EIF2AK1: variants seen among roughly 807,000 people sequenced by gnomAD.
The protein encoded by EIF2AK1 is eukaryotic translation initiation factor 2-alpha kinase 1.
Under a neutral mutation model 77.9 loss-of-function variants are expected in EIF2AK1, and 54 were observed. The ratio of observed to expected loss-of-function variants is 0.69; its 90% CI spans 0.56 to 0.87. EIF2AK1 has a LOEUF of 0.87. EIF2AK1 is among the 40% of genes least tolerant of loss of function. The pLI is 0.00. For missense variants in EIF2AK1, 810 were observed against 768.6 expected (o/e 1.05, Z -0.64); for synonymous variants, 314 against 290.5 (o/e 1.08, Z -0.82).
At chr7:6,046,918 A>C in intron 5 of EIF2AK1, 74 bp downstream of exon 5, 10 of 1,329,998 alleles carry the variant, frequency 7.5e-6, no homozygotes, top group Non-Finnish European at 1.0e-5. Context: ...AAATAAATAA[A>C]AGAATAATGA....
At position 6,035,839 on chromosome 7, in the gene EIF2AK1, C is replaced by A; in HGVS notation, c.1332+1585G>T. 3 of 1,548,606 alleles carry A rather than the reference C, an allele frequency of 1.9e-6. No homozygotes were observed. Among genetic ancestry groups the A allele is most frequent in the South Asian group, 2.4e-5 (2 of 83,766 alleles). On this transcript the variant is annotated intron_variant, in intron 11 of 14. Transcript: ENST00000199389. The surrounding 1 kb of genome is among the most constrained non-coding windows in gnomAD (Gnocchi z 5.5). Reference sequence around the variant, plus strand: ...TGTGCTGTCTCTTCCACGGGGAACACGCCCCTGAAGCTTGCAGTGTGCACT... The same window carrying A: ...TGTGCTGTCTCTTCCACGGGGAACAAGCCCCTGAAGCTTGCAGTGTGCACT...
chr7:6,026,656 A>AC (rs1787755517), intron 14 of EIF2AK1, 72 bp downstream of exon 14: 2 of 1,282,672 alleles, frequency 1.6e-6, no homozygotes, highest in Admixed American at 3.6e-5. Context: ...GCACCACCCA[A>AC]CCGCTTCCTT....
intron 2 of EIF2AK1, among the ~76,000 whole-genome samples, chr7:6,050,968 C>T (rs941786591): frequency 3.3e-5 from 5 of 151,908 alleles, no homozygotes; most frequent in African/African-American, 2.4e-5. Context: ...AGTACTAAGC[C>T]ATTTCTAAAA....
At chr7:6,026,695 C>A in intron 14 of EIF2AK1, 33 bp downstream of exon 14, 1 of 1,576,514 alleles carries the variant, frequency 6.3e-7, no homozygotes. Flanking sequence ...AAACCACCTT[C>A]ACTCCAGGAC....
At chr7:6,044,833 C>T (rs759863419) in intron 6 of EIF2AK1, among the ~76,000 whole-genome samples, 172 bp from the exon 7 acceptor site, 1 of 152,064 alleles carries the variant, frequency 6.6e-6, no homozygotes, top group Non-Finnish European at 1.5e-5. Flanking sequence ...TTGCAGTATG[C>T]GGTGCATGAG....
At position 6,047,056 on chromosome 7, in the gene EIF2AK1, C is replaced by G. The variant is rs200306250; in HGVS notation, c.485G>C (p.Arg162Pro). Reference protein sequence around the residue: ...REVALEAQTSRYLNEFEELAI... With the variant: ...REVALEAQTSPYLNEFEELAI... ...AAGTTCTTCAAATTCATTTAAGTAACGTGAAGTTTGTGCTTCCAAGGCTAC... is the reference window on the plus strand; with the variant it reads ...AAGTTCTTCAAATTCATTTAAGTAAGGTGAAGTTTGTGCTTCCAAGGCTAC... Residue 162 changes from arginine (R) to proline (P), a missense_variant, in exon 5 of 15, where the codon CGT becomes CCT. Coordinates refer to ENST00000199389, the MANE Select transcript of EIF2AK1 (RefSeq NM_014413.4). 1.9e-6 allele frequency: 3 copies of G among 1,613,928 alleles called. No homozygotes were observed. The highest frequency in any genetic ancestry group is 1.3e-5 in the African/African-American group (1 of 75,022).
In EIF2AK1 at chr7:6,033,772, T is replaced by C. The variant is rs577794431; in HGVS notation, c.1332+3652A>G. ...TTTTAGTAGAGATGGGGTTTCACCA[T>C]GTTAGCCAGGATAGTCTCAATCTCC... On this transcript the variant is annotated intron_variant, in intron 11 of 14. Coordinates refer to ENST00000199389, the MANE Select transcript of EIF2AK1 (RefSeq NM_014413.4). This position sits in a 1 kb window ranked among gnomAD's most constrained non-coding sequence, Gnocchi z 4.4. 7.6e-4 allele frequency among the ~76,000 whole-genome samples: 116 copies of C among 151,928 alleles called. No homozygotes were observed. The highest frequency in any genetic ancestry group is 1.5e-3 in the Non-Finnish European group (104 of 67,920).
intron 5 of EIF2AK1, 135 bp from the exon 6 acceptor site, chr7:6,046,286 T>G (rs1788442718): frequency 2.1e-6 from 1 of 470,392 alleles, no homozygotes; most frequent in Non-Finnish European, 3.7e-6. Flanking sequence ...GTCTCCTTAC[T>G]ATGTTCAGGG....
intron 2 of EIF2AK1, among the ~76,000 whole-genome samples, chr7:6,053,528 CT>C (rs1426659862): frequency 6.6e-6 from 1 of 151,906 alleles, no homozygotes; most frequent in Non-Finnish European, 1.5e-5. Flanking sequence ...CCATGCCCAG[CT>C]AATTTTTGTA....
chr7:6,056,628 A>ATATATATATATATATATATGTATG (rs749747260), intron 1 of EIF2AK1, among the ~76,000 whole-genome samples: 1 of 75,932 alleles, frequency 1.3e-5, no homozygotes, highest in African/African-American at 5.5e-5. Context: ...ATATATATAT[A>ATATATATATATATATATATGTATG]TATATATAAA....
chr7:6,057,642 T>C (rs1788822846), intron 1 of EIF2AK1: 1 of 151,780 alleles, frequency 6.6e-6, no homozygotes, highest in Non-Finnish European at 1.5e-5. Context: ...AATGTTGTTG[T>C]TGTTGTTGTT....
rs746786176 is a variant in EIF2AK1 at position 6,037,411 on chromosome 7, C to A, written c.1332+13G>T. On this transcript the variant is annotated intron_variant, in intron 11 of 14. Transcript: ENST00000199389. ...CTCCCACTGCTTTCAATGATTTCAT[C>A]GCCCCCACTTACCTTCAGATCTCGG... 1 of 1,559,790 alleles carries A rather than the reference C, an allele frequency of 6.4e-7. No homozygotes were observed. Among genetic ancestry groups the A allele is most frequent in the Non-Finnish European group, 8.8e-7 (1 of 1,134,156 alleles).
intron 9 of EIF2AK1, among the ~76,000 whole-genome samples, chr7:6,039,014 G>A (rs947722423): frequency 2.6e-5 from 4 of 152,062 alleles, no homozygotes; most frequent in African/African-American, 7.2e-5. Flanking sequence ...TGGTCTGCTC[G>A]CTACATAAAC....
At chr7:6,046,280 C>T (rs1353443047) in intron 5 of EIF2AK1, 129 bp from the exon 6 acceptor site, 4 of 481,242 alleles carry the variant, frequency 8.3e-6, no homozygotes, top group Non-Finnish European at 1.4e-5. Flanking sequence ...AGACATGTCT[C>T]CTTACTATGT....
At position 6,036,521 on chromosome 7, in the gene EIF2AK1, T is replaced by C. The variant is rs891194858; in HGVS notation, c.1332+903A>G. The C allele has an allele frequency of 3.7e-6, 2 of 536,556 alleles. No individual in the cohort carries two copies. Among genetic ancestry groups the C allele is most frequent in the African/African-American group, 3.9e-5 (2 of 51,864 alleles). The allele number at this position is 536,556 out of a possible 1,614,324, so 33.2% of individuals were successfully genotyped here. ...TGTACAAACTACTGATTCTTGAACA[T>C]GTTCCAAAATACAAAGTGATTTGTC... On this transcript the variant is annotated intron_variant, in intron 11 of 14. Coordinates refer to ENST00000199389, the MANE Select transcript of EIF2AK1 (RefSeq NM_014413.4). This position sits in a 1 kb window ranked among gnomAD's most constrained non-coding sequence, Gnocchi z 4.6.
chr7:6,032,994 G>A lies in EIF2AK1; in HGVS notation c.1333-3962C>T, dbSNP rs989924340. ...TTTTTCTTTTTTGTTTTGAGGCAGG[G>A]GTCTCGCTCTGTTGCCCAGGCTGGA... On this transcript the variant is annotated intron_variant, in intron 11 of 14. Transcript: ENST00000199389. The surrounding 1 kb of genome is among the most constrained non-coding windows in gnomAD (Gnocchi z 4.3). 3 of 1,432,332 alleles carry A rather than the reference G, an allele frequency of 2.1e-6. No homozygotes were observed. In the African/African-American group the frequency reaches 4.3e-5, roughly 20 times the overall value. The allele number at this position is 1,432,332 out of a possible 1,614,324, so 88.7% of individuals were successfully genotyped here.
Position 6,048,804 on chromosome 7 carries a change from T to C in EIF2AK1, c.449+3A>G. On this transcript the variant is annotated splice_donor_region_variant and intron_variant, in intron 4 of 14. Transcript: ENST00000199389. ...CATAATCAAGAAAGTTTTTCACACA[T>C]ACCTGATTTTCTGGATACGAGAAAT... is the stretch of plus-strand genomic sequence containing the variant. 6.3e-7 allele frequency: 1 copy of C among 1,585,972 alleles called. No individual in the cohort carries two copies. Among genetic ancestry groups the C allele is most frequent in the South Asian group, 1.2e-5 (1 of 83,942 alleles).
Position 6,036,504 on chromosome 7 carries a change from C to A in EIF2AK1, c.1332+920G>T. ...ACCTGTGACATCCCAAATGTACAAA[C>A]TACTGATTCTTGAACATGTTCCAAA... On this transcript the variant is annotated intron_variant, in intron 11 of 14. Coordinates refer to ENST00000199389, the MANE Select transcript of EIF2AK1 (RefSeq NM_014413.4). This position sits in a 1 kb window ranked among gnomAD's most constrained non-coding sequence, Gnocchi z 4.6. The A allele has an allele frequency of 1.7e-6, 1 of 592,044 alleles. No individual in the cohort carries two copies. Among genetic ancestry groups the A allele is most frequent in the Middle Eastern group, 2.7e-4 (1 of 3,674 alleles). The allele number at this position is 592,044 out of a possible 1,614,324, so 36.7% of individuals were successfully genotyped here.
chr7:6,026,670 C>A (rs1013797177), intron 14 of EIF2AK1, 58 bp downstream of exon 14: 1 of 1,421,348 alleles, frequency 7.0e-7, no homozygotes, highest in Non-Finnish European at 9.9e-7. Context: ...CTTCCTTCCC[C>A]AAGAGAGGCA....
Sources: allele counts gnomAD v4.1 joint callset (sites outside exome capture counted in the v4.1 genomes callset), GRCh38; gene constraint gnomAD v4.1.1; non-coding constraint Gnocchi (gnomAD v3.1); transcripts MANE v1.5; gene names NCBI Gene and HGNC (gene_info 2026-07-23, HGNC 2026-07-21).